Variants in SUCLA2 observed in about 807,000 individuals in gnomAD.
The protein encoded by SUCLA2 is succinate-CoA ligase ADP-forming subunit beta, also known as succinate--CoA ligase [ADP-forming] subunit beta, mitochondrial.
SUCLA2 carries 30 observed loss-of-function variants against 54.8 expected under a neutral mutation model. That is an observed-to-expected ratio of 0.55 (90% CI 0.41 to 0.74). The LOEUF (loss-of-function observed/expected upper bound fraction) is 0.74, where lower values mean the gene tolerates loss of function less well. SUCLA2 is among the 30% of genes least tolerant of loss of function. SUCLA2 has a pLI of 0.00. For missense variants in SUCLA2, 476 were observed against 562.9 expected (o/e 0.85, Z 1.56); for synonymous variants, 172 against 188.9 (o/e 0.91, Z 0.74).
At chr13:47,945,321 G>T (rs1949720675) in intron 10 of SUCLA2, among the ~76,000 whole-genome samples, 1 of 146,908 alleles carries the variant, frequency 6.8e-6, no homozygotes, top group Non-Finnish European at 1.5e-5. Flanking sequence ...TACTCAGAAG[G>T]CTGAGACACA....
chr13:47,948,273 G>A (rs1949749625), intron 10 of SUCLA2, among the ~76,000 whole-genome samples: 1 of 152,136 alleles, frequency 6.6e-6, no homozygotes, highest in African/African-American at 2.4e-5. Context: ...TTCTGACAAA[G>A]ATTCTCTCCT....
At chr13:47,979,141 T>G (rs1297559195) in intron 4 of SUCLA2, among the ~76,000 whole-genome samples, 1 of 152,176 alleles carries the variant, frequency 6.6e-6, no homozygotes, top group Non-Finnish European at 1.5e-5. Flanking sequence ...GAAATACCAT[T>G]TGACCCAGCA....
At chr13:47,982,616 C>CTCCT (rs1232853964) in intron 4 of SUCLA2, among the ~76,000 whole-genome samples, 2 of 151,944 alleles carry the variant, frequency 1.3e-5, no homozygotes, top group Non-Finnish European at 2.9e-5. Context: ...TCCTCTCTCC[C>CTCCT]TCCTTCCTTC....
At chr13:47,973,200 G>C (rs914555019) in intron 5 of SUCLA2, 64 bp downstream of exon 5, 6 of 1,387,210 alleles carry the variant, frequency 4.3e-6, no homozygotes, top group Non-Finnish European at 6.1e-6. Context: ...TCAGTTGTAC[G>C]GTTATCTTTA....
intron 3 of SUCLA2, 63 bp from the exon 4 acceptor site, chr13:47,988,766 A>G (rs1243584464): frequency 9.4e-6 from 15 of 1,603,630 alleles, no homozygotes; most frequent in Admixed American, 3.4e-5. Context: ...AAATCCACAT[A>G]ATAGCCAAAA....
intron 6 of SUCLA2, among the ~76,000 whole-genome samples, chr13:47,967,848 C>A (rs1387241436): frequency 5.5e-4 from 53 of 96,140 alleles, no homozygotes; most frequent in South Asian, 1.4e-3. Context: ...GACTCAGTCT[C>A]AAAAAAAAAA....
At chr13:47,986,477 C>T (rs1370433975) in intron 4 of SUCLA2, among the ~76,000 whole-genome samples, 3 of 152,198 alleles carry the variant, frequency 2.0e-5, no homozygotes, top group African/African-American at 7.2e-5. Context: ...CAAAAATCTA[C>T]TCCCATTCTG....
At chr13:47,974,319 C>T (rs1566087822) in intron 4 of SUCLA2, among the ~76,000 whole-genome samples, 1 of 152,180 alleles carries the variant, frequency 6.6e-6, no homozygotes, top group Admixed American at 6.5e-5. Context: ...GGCACAGTGG[C>T]TCACACCTGT....
intron 6 of SUCLA2, among the ~76,000 whole-genome samples, chr13:47,957,982 T>C (rs1467661807): frequency 3.9e-5 from 6 of 152,148 alleles, no homozygotes; most frequent in African/African-American, 1.4e-4. Flanking sequence ...TTTGGTAAAA[T>C]GATACACTTT....
At chr13:47,980,394 G>A (rs2137731638) in intron 4 of SUCLA2, among the ~76,000 whole-genome samples, 1 of 151,780 alleles carries the variant, frequency 6.6e-6, no homozygotes, top group Non-Finnish European at 1.5e-5. Context: ...CAGCCTGGGT[G>A]ACAGAGTGAG....
At chr13:47,964,128 T>C (rs1949896038) in intron 6 of SUCLA2, among the ~76,000 whole-genome samples, 1 of 152,050 alleles carries the variant, frequency 6.6e-6, no homozygotes, top group African/African-American at 2.4e-5. Context: ...GGAATGCTAC[T>C]CAGCAATGAA....
chr13:47,994,461 A>C (rs987206416), intron 2 of SUCLA2, among the ~76,000 whole-genome samples: 1 of 149,836 alleles, frequency 6.7e-6, no homozygotes, highest in Non-Finnish European at 1.5e-5. Flanking sequence ...CCAGCTACTC[A>C]GGAGGCTGAG....
At chr13:47,991,157 C>T (rs1008222496) in intron 2 of SUCLA2, among the ~76,000 whole-genome samples, 1 of 152,250 alleles carries the variant, frequency 6.6e-6, no homozygotes, top group Non-Finnish European at 1.5e-5. Context: ...GCAGCCAAAG[C>T]AGGCACACCA....
At chr13:47,967,512 T>TA (rs1949928732) in intron 6 of SUCLA2, among the ~76,000 whole-genome samples, 1 of 152,070 alleles carries the variant, frequency 6.6e-6, no homozygotes, top group South Asian at 2.1e-4. Context: ...TTACTGATCT[T>TA]AAGATGGAGA....
At chr13:47,964,454 G>A (rs1186146835) in intron 6 of SUCLA2, among the ~76,000 whole-genome samples, 2 of 152,068 alleles carry the variant, frequency 1.3e-5, no homozygotes, top group East Asian at 3.8e-4. Context: ...ACAAATAACT[G>A]CAGGTTTAAA....
chr13:47,956,453 G>A (rs1949822238), intron 6 of SUCLA2, among the ~76,000 whole-genome samples: 1 of 152,066 alleles, frequency 6.6e-6, no homozygotes, highest in Non-Finnish European at 1.5e-5. Flanking sequence ...AAAGGAGAAT[G>A]GGACAGGAAA....
intron 5 of SUCLA2, chr13:47,971,925 G>A (rs1949969445): frequency 2.5e-6 from 1 of 398,384 alleles, no homozygotes; most frequent in African/African-American, 2.1e-5. Flanking sequence ...AAACCTGTAA[G>A]TTATAAAAGA....
chr13:47,975,399 G>A (rs920034038), intron 4 of SUCLA2, among the ~76,000 whole-genome samples: 2 of 151,740 alleles, frequency 1.3e-5, no homozygotes, highest in Non-Finnish European at 2.9e-5. Context: ...GACCTTAGGT[G>A]ATTCACCTCC....
intron 1 of SUCLA2, among the ~76,000 whole-genome samples, chr13:47,998,927 G>T (rs955358143): frequency 6.6e-6 from 1 of 152,180 alleles, no homozygotes; most frequent in African/African-American, 2.4e-5. Context: ...TTAGTGGGTA[G>T]GGGAGTAACT....
Sources: allele counts gnomAD v4.1 joint callset (sites outside exome capture counted in the v4.1 genomes callset), GRCh38; gene constraint gnomAD v4.1.1; transcripts MANE v1.5; gene names NCBI Gene and HGNC (gene_info 2026-07-23, HGNC 2026-07-21).